Variants in TSPAN7 observed in about 807,000 individuals in gnomAD.
TSPAN7 encodes the protein tetraspanin-7.
TSPAN7 carries 1 observed loss-of-function variant against 17.6 expected under a neutral mutation model. The ratio of observed to expected loss-of-function variants is 0.06; its 90% CI spans 0.02 to 0.27. The LOEUF is 0.27. TSPAN7 is among the 10% of genes least tolerant of loss of function. TSPAN7 has a pLI of 1.00. For synonymous variants in TSPAN7, 78 were observed against 79.0 expected (o/e 0.99, Z 0.07); for missense variants, 112 against 201.7 (o/e 0.56, Z 2.69).
At position 38,616,389 on chromosome X, in the gene TSPAN7, T is replaced by C. The variant is rs758155883; in HGVS notation, c.82-49732T>C. Among the ~76,000 whole-genome samples, 17 of 112,003 alleles carry C rather than the reference T, an allele frequency of 1.5e-4. No individual in the cohort carries two copies. In the East Asian group the frequency reaches 4.5e-3, roughly 30 times the overall value. On this transcript the variant is annotated intron_variant, in intron 1 of 7. Transcript: ENST00000378482. ...CTCAACGGCTATACCTTAACCACTATACAGGGATGGCTGATAATGATGTTC... is the reference window on the plus strand; with the variant it reads ...CTCAACGGCTATACCTTAACCACTACACAGGGATGGCTGATAATGATGTTC...
intron 1 of TSPAN7, among the ~76,000 whole-genome samples, chrX:38,578,120 G>T (rs1422298931): frequency 1.8e-5 from 2 of 111,446 alleles, no homozygotes; most frequent in Non-Finnish European, 3.8e-5. Context: ...TGGCTAGAAA[G>T]GCAGGATTGG....
At position 38,622,899 on chromosome X, in the gene TSPAN7, A is replaced by T. The variant is rs779281059; in HGVS notation, c.82-43222A>T. 7.3e-5 allele frequency: 24 copies of T among 330,075 alleles called. No homozygotes were observed. In the East Asian group the frequency reaches 1.3e-3, roughly 17 times the overall value. 27.2% of individuals were successfully genotyped at this position (330,075 alleles called of 1,213,427 possible). ...GTGTGTATATTTCTGTTTGTTTGGG[A>T]TAGCCTTGCCTACTGAAGAGAATAA... is the stretch of plus-strand genomic sequence containing the variant. On this transcript the variant is annotated intron_variant, in intron 1 of 7. Transcript: ENST00000378482.
chrX:38,665,799 G>A (rs1421794028), intron 1 of TSPAN7, among the ~76,000 whole-genome samples: 2 of 111,723 alleles, frequency 1.8e-5, no homozygotes, highest in Non-Finnish European at 3.8e-5. Flanking sequence ...CAGCAGCTGG[G>A]GGAAGGCTCT....
chrX:38,572,010 A>ATT (rs34004323), intron 1 of TSPAN7, among the ~76,000 whole-genome samples: 15 of 110,038 alleles, frequency 1.4e-4, no homozygotes, highest in African/African-American at 4.7e-4. Context: ...GGGGGAATCT[A>ATT]TTTTTTTTCA....
intron 1 of TSPAN7, among the ~76,000 whole-genome samples, chrX:38,665,545 A>G (rs1407277026): frequency 8.9e-6 from 1 of 112,486 alleles, no homozygotes; most frequent in Admixed American, 9.4e-5. Flanking sequence ...AGCTAATTCC[A>G]GGAACTATGC....
At chrX:38,622,350 A>C (rs1602102675) in intron 1 of TSPAN7, among the ~76,000 whole-genome samples, 1 of 112,027 alleles carries the variant, frequency 8.9e-6, no homozygotes, top group East Asian at 2.8e-4. Context: ...AATTTAAGAC[A>C]GTCTGGGCAA....
intron 1 of TSPAN7, among the ~76,000 whole-genome samples, chrX:38,606,460 A>G (rs1225765388): frequency 8.9e-6 from 1 of 112,012 alleles, no homozygotes; most frequent in African/African-American, 3.2e-5. Context: ...ACAAGACATC[A>G]GTTGACTTTG....
chrX:38,628,872 C>G (rs1406594506), intron 1 of TSPAN7, among the ~76,000 whole-genome samples: 1 of 111,786 alleles, frequency 8.9e-6, no homozygotes, highest in Non-Finnish European at 1.9e-5. Context: ...ATTTTTATAG[C>G]TATTTTTAAT....
At chrX:38,618,043 G>T (rs986166422) in intron 1 of TSPAN7, among the ~76,000 whole-genome samples, 2 of 111,824 alleles carry the variant, frequency 1.8e-5, no homozygotes, top group Admixed American at 9.5e-5. Flanking sequence ...GGAAGTCGTT[G>T]GTGCAGTGAA....
At chrX:38,644,653 T>G (rs2069634689) in intron 1 of TSPAN7, among the ~76,000 whole-genome samples, 1 of 111,682 alleles carries the variant, frequency 9.0e-6, no homozygotes, top group Non-Finnish European at 1.9e-5. Context: ...TGCCTCCAAC[T>G]CACTGTGTGA....
chrX:38,562,743 C>T (rs925131573), intron 1 of TSPAN7, among the ~76,000 whole-genome samples: 4 of 111,445 alleles, frequency 3.6e-5, no homozygotes, highest in Admixed American at 1.9e-4. Flanking sequence ...ACCCCGTCTT[C>T]CCTAGTTCCT....
At position 38,687,954 on chromosome X, in the gene TSPAN7, G is replaced by A. The variant is rs1034227675; in HGVS notation, c.*23G>A. The A allele has an allele frequency of 2.4e-5, 6 of 247,132 alleles. No homozygotes were observed. Among genetic ancestry groups the A allele is most frequent in the East Asian group, 1.4e-4 (2 of 14,428 alleles). 20.4% of individuals were successfully genotyped at this position (247,132 alleles called of 1,213,427 possible). ...TCTCTCTTAGTCTTTCAAGAATGACGGAATAAGAGACCTGTTTTAAAAAGG... is the reference window on the plus strand; with the variant it reads ...TCTCTCTTAGTCTTTCAAGAATGACAGAATAAGAGACCTGTTTTAAAAAGG... On this transcript the variant is annotated 3_prime_UTR_variant, in exon 8 of 8. Coordinates refer to ENST00000378482, the MANE Select transcript of TSPAN7 (RefSeq NM_004615.4).
At chrX:38,581,488 G>A (rs189216931) in intron 1 of TSPAN7, among the ~76,000 whole-genome samples, 1 of 110,983 alleles carries the variant, frequency 9.0e-6, no homozygotes, top group East Asian at 2.8e-4. Context: ...GAACAGCACG[G>A]GAAAGACCCC....
chrX:38,606,997 T>C (rs1313610446), intron 1 of TSPAN7, among the ~76,000 whole-genome samples: 1 of 111,466 alleles, frequency 9.0e-6, no homozygotes, highest in Non-Finnish European at 1.9e-5. Context: ...GAAAATAAGA[T>C]AAGGGACTCT....
intron 1 of TSPAN7, among the ~76,000 whole-genome samples, chrX:38,658,820 C>T (rs1268244684): frequency 9.0e-6 from 1 of 111,359 alleles, no homozygotes; most frequent in Non-Finnish European, 1.9e-5. Flanking sequence ...TTTGGTCACC[C>T]CAAACCCAAT....
chrX:38,674,563 G>C, intron 4 of TSPAN7, among the ~76,000 whole-genome samples: 1 of 111,946 alleles, frequency 8.9e-6, no homozygotes, highest in East Asian at 2.8e-4. Context: ...GGCAAGGACA[G>C]CTCATTTGCT....
chrX:38,576,888 A>G (rs1369512607), intron 1 of TSPAN7, among the ~76,000 whole-genome samples: 1 of 112,109 alleles, frequency 8.9e-6, no homozygotes, highest in African/African-American at 3.2e-5. Context: ...AGACTAGTCC[A>G]TACTTTTGAG....
chrX:38,567,192 G>A (rs1479660889), intron 1 of TSPAN7, among the ~76,000 whole-genome samples: 1 of 111,844 alleles, frequency 8.9e-6, no homozygotes, highest in Non-Finnish European at 1.9e-5. Flanking sequence ...TTGAATTTGG[G>A]CACTGTATTA....
At chrX:38,591,066 T>C (rs1205506933) in intron 1 of TSPAN7, among the ~76,000 whole-genome samples, 2 of 111,140 alleles carry the variant, frequency 1.8e-5, no homozygotes, top group Non-Finnish European at 3.8e-5. Context: ...TTCCTTCTAC[T>C]TGCTTTGGAA....
Sources: allele counts gnomAD v4.1 joint callset (sites outside exome capture counted in the v4.1 genomes callset), GRCh38; gene constraint gnomAD v4.1.1; transcripts MANE v1.5; gene names NCBI Gene and HGNC (gene_info 2026-07-23, HGNC 2026-07-21).